The following CD55 variants were observed in gnomAD, a reference collection of about 807,000 sequenced individuals.
CD55 encodes the protein complement decay-accelerating factor.
In CD55, 41 loss-of-function variants were observed where a neutral mutation model predicts 45.8. That is an observed-to-expected ratio of 0.90 (90% CI 0.70 to 1.16). The LOEUF is 1.16. CD55 is among the 50% of genes most tolerant of loss of function. The probability of loss-of-function intolerance (pLI) is 0.00; values close to 1 mark genes in which losing one functional copy is unlikely to be tolerated. For synonymous variants in CD55, 181 were observed against 181.1 expected (o/e 1.00, Z 0.01); for missense variants, 416 against 469.8 (o/e 0.89, Z 1.06).
chr1:207,337,292 A>C (rs752123802), intron 7 of CD55, 37 bp from the exon 8 acceptor site: 1 of 1,270,548 alleles, frequency 7.9e-7, no homozygotes, highest in South Asian at 1.2e-5. Context: ...TAATGGTCTC[A>C]AGAGTACACA....
chr1:207,324,141 C>T (rs1355712634), intron 2 of CD55, among the ~76,000 whole-genome samples: 2 of 152,098 alleles, frequency 1.3e-5, no homozygotes, highest in African/African-American at 2.4e-5. Flanking sequence ...TGAGTTTGTA[C>T]GTAAATAAAT....
intron 9 of CD55, among the ~76,000 whole-genome samples, chr1:207,349,955 T>G (rs1003838806): frequency 6.6e-6 from 1 of 152,218 alleles, no homozygotes. Flanking sequence ...AGGTGAATGC[T>G]TCCAGCTTTT....
chr1:207,344,057 C>T (rs994961014), intron 9 of CD55, among the ~76,000 whole-genome samples: 1 of 152,194 alleles, frequency 6.6e-6, no homozygotes, highest in Non-Finnish European at 1.5e-5. Flanking sequence ...TGTGTTTTCA[C>T]AGATGAGATG....
chr1:207,335,185 G>T (rs1481204394), intron 6 of CD55, among the ~76,000 whole-genome samples: 1 of 79,618 alleles, frequency 1.3e-5, no homozygotes, highest in East Asian at 2.1e-4. Context: ...CACACTCATA[G>T]TTAGAAAATT....
At chr1:207,339,486 G>A in intron 9 of CD55, 69 bp downstream of exon 9, 2 of 1,155,146 alleles carry the variant, frequency 1.7e-6, no homozygotes, top group South Asian at 1.4e-5. Flanking sequence ...ATATTCCTGG[G>A]AGATAATATT....
At chr1:207,337,023 C>T in intron 7 of CD55, 1 of 641,178 alleles carries the variant, frequency 1.6e-6, no homozygotes, top group Non-Finnish European at 2.7e-6. Context: ...AATGTTTCAG[C>T]TACAGGAACC....
At chr1:207,346,372 C>A (rs1417589083) in intron 9 of CD55, among the ~76,000 whole-genome samples, 1 of 152,146 alleles carries the variant, frequency 6.6e-6, no homozygotes, top group African/African-American at 2.4e-5. Context: ...GACGCTGGGC[C>A]AGATGGACTT....
chr1:207,323,287 GGA>G (rs552234598), intron 2 of CD55, among the ~76,000 whole-genome samples: 143 of 150,910 alleles, frequency 9.5e-4, no homozygotes, highest in African/African-American at 3.4e-3. Flanking sequence ...ATATATATAG[GGA>G]GAGAGATATA....
chr1:207,343,105 A>G (rs908751573), intron 9 of CD55, among the ~76,000 whole-genome samples: 6 of 151,880 alleles, frequency 4.0e-5, no homozygotes, highest in Admixed American at 3.9e-4. Context: ...TCTAGCAAGT[A>G]CTTTATCAGT....
At chr1:207,326,718 TAACA>T in intron 4 of CD55, 30 bp from the exon 5 acceptor site, 3 of 1,511,954 alleles carry the variant, frequency 2.0e-6, no homozygotes, top group Non-Finnish European at 2.8e-6. Flanking sequence ...TGTGTGAATG[TAACA>T]AACTCTTTTT....
rs2102380467 is a variant in CD55, at chr1:207,324,755, G to A, written c.478+5G>A. On this transcript the variant is annotated splice_donor_5th_base_variant and intron_variant, in intron 3 of 9. Transcript: ENST00000367064. ...CAGCAGTCGAATTTTGTAAAAGTGA[G>A]TAAAATTTTTTAAAGTATTTTCAAC... 6.3e-7 allele frequency: 1 copy of A among 1,590,182 alleles called. No individual in the cohort carries two copies. Among genetic ancestry groups the A allele is most frequent in the South Asian group, 1.1e-5 (1 of 87,736 alleles).
At chr1:207,359,453 T>G (rs189671499) in intron 9 of CD55, 93 bp from the exon 10 acceptor site, 1 of 1,265,926 alleles carries the variant, frequency 7.9e-7, no homozygotes, top group Admixed American at 2.8e-5. Context: ...TTTTTGGTGA[T>G]TTATCACATA....
intron 5 of CD55, among the ~76,000 whole-genome samples, chr1:207,330,443 A>G (rs1409267291): frequency 2.0e-5 from 3 of 152,030 alleles, no homozygotes; most frequent in African/African-American, 4.8e-5. Context: ...AACTAAAAAA[A>G]CTTCTGCTTG....
At chr1:207,328,953 G>C (rs1194820240) in intron 5 of CD55, among the ~76,000 whole-genome samples, 1 of 152,142 alleles carries the variant, frequency 6.6e-6, no homozygotes, top group African/African-American at 2.4e-5. Flanking sequence ...ACACTGTATG[G>C]GTTCTCTGGT....
intron 7 of CD55, 135 bp from the exon 8 acceptor site, chr1:207,337,194 C>T: frequency 1.5e-6 from 1 of 664,528 alleles, no homozygotes; most frequent in Non-Finnish European, 2.7e-6. Flanking sequence ...GCCACACTAA[C>T]AGCCCAAAAA....
chr1:207,327,590 TTC>T (rs1340612271), intron 5 of CD55, among the ~76,000 whole-genome samples: 1 of 152,174 alleles, frequency 6.6e-6, no homozygotes, highest in Non-Finnish European at 1.5e-5. Flanking sequence ...CTTTCCATCC[TTC>T]TCTCTCTCCA....
intron 9 of CD55, among the ~76,000 whole-genome samples, chr1:207,356,830 G>T (rs919842572): frequency 6.6e-6 from 1 of 152,068 alleles, no homozygotes; most frequent in East Asian, 1.9e-4. Flanking sequence ...TAAATGTCAC[G>T]ATTGGCTCTG....
chr1:207,345,265 G>A (rs532632502), intron 9 of CD55, among the ~76,000 whole-genome samples: 2 of 151,800 alleles, frequency 1.3e-5, no homozygotes, highest in African/African-American at 4.8e-5. Context: ...ATCTGACTGT[G>A]TTATCTCAAA....
Position 207,337,384 on chromosome 1 carries a change from A to G in CD55, c.1035A>G (p.Pro345=), listed in dbSNP as rs1460477689. The stretch of plus-strand genomic sequence containing the variant: ...CCAAGCATTTTCATGAAACAACCCC[A>G]AATAAAGGAAGTGGAACCACTTCAG... ...RTTKHFHETT[P]NKGSGTTSGT... Residue 345 remains proline (P), a synonymous_variant, in exon 8 of 10, where the codon CCA becomes CCG. Transcript: ENST00000367064. The G allele has an allele frequency of 8.1e-6, 13 of 1,608,860 alleles. No individual in the cohort carries two copies. Among genetic ancestry groups the G allele is most frequent in the Non-Finnish European group, 1.1e-5 (13 of 1,175,338 alleles).
Sources: allele counts gnomAD v4.1 joint callset (sites outside exome capture counted in the v4.1 genomes callset), GRCh38; gene constraint gnomAD v4.1.1; transcripts MANE v1.5; gene names NCBI Gene and HGNC (gene_info 2026-07-23, HGNC 2026-07-21).